The following NF1 variants were observed in gnomAD, a reference collection of about 807,000 sequenced individuals.
NF1 encodes neurofibromin.
In NF1, 122 loss-of-function variants were observed where a neutral mutation model predicts 325.7. The observed-to-expected ratio is 0.37, with a 90% CI of 0.32 to 0.44. NF1 has a LOEUF of 0.44. NF1 is among the 20% of genes least tolerant of loss of function. The pLI is 1.00. For synonymous variants in NF1, 1,091 were observed against 1,186.0 expected, an observed-to-expected ratio of 0.92 and a Z score of 1.65; for missense variants, 2,140 against 3,415.4, an observed-to-expected ratio of 0.63 and a Z score of 9.31.
chr17:31,101,159 T>C (rs1238096899), intron 1 of NF1, among the ~76,000 whole-genome samples: 2 of 152,178 alleles, frequency 1.3e-5, no homozygotes, highest in African/African-American at 4.8e-5. Context: ...CTGCCTCTGC[T>C]TGATTGCTGT....
In NF1 at chr17:31,184,666, A is replaced by AAAAAAAT. The variant is rs1555609286; in HGVS notation, c.888+2008_888+2014dup. On this transcript the variant is annotated intron_variant, in intron 8 of 57. Coordinates refer to ENST00000358273, the MANE Select transcript of NF1 (RefSeq NM_001042492.3). ...CCGTCTCAAAAAAAAAAAATAAAAA[A>AAAAAAAT]AAAAAATAAAAAAATAAAATAGAAA... 3.5e-3 allele frequency among the ~76,000 whole-genome samples: 488 copies of AAAAAAAT among 140,402 alleles called. 7 individuals carry two copies. The highest frequency in any genetic ancestry group is 5.6e-3 in the Non-Finnish European group (356 of 63,134). The allele number at this position is 140,402 out of a possible 152,430, so 92.1% of individuals were successfully genotyped here.
At position 31,098,557 on chromosome 17, in the gene NF1, G is replaced by A. The variant is rs565909610; in HGVS notation, c.60+3188G>A. The stretch of plus-strand genomic sequence containing the variant: ...CATTTGTTATTTTTAGTAGAGTGCT[G>A]AGATTACAGGCGTGAGCCATCGCTT... On this transcript the variant is annotated intron_variant, in intron 1 of 57. Transcript: ENST00000358273. Among the ~76,000 whole-genome samples, 9 of 152,246 alleles carry A rather than the reference G, an allele frequency of 5.9e-5. 1 individual carries two copies. The South Asian group carries it at 1.7e-3, about 28-fold the overall frequency.
chr17:31,343,448 G>A (rs937634194), intron 48 of NF1, among the ~76,000 whole-genome samples: 4 of 152,108 alleles, frequency 2.6e-5, no homozygotes, highest in African/African-American at 9.7e-5. Flanking sequence ...AGGAGGCATA[G>A]ATGGAAGGAT....
At chr17:31,349,002 T>C (rs1286327197) in intron 48 of NF1, 118 bp from the exon 49 acceptor site, 2 of 1,273,660 alleles carry the variant, frequency 1.6e-6, no homozygotes, top group African/African-American at 3.0e-5. Context: ...TCTTGGAAAG[T>C]AGGAGTTATA....
intron 4 of NF1, among the ~76,000 whole-genome samples, chr17:31,163,931 G>A (rs1333121830): frequency 6.6e-6 from 1 of 152,148 alleles, no homozygotes; most frequent in African/African-American, 2.4e-5. Flanking sequence ...GAAAACACAA[G>A]GAGGTGAATA....
intron 1 of NF1, among the ~76,000 whole-genome samples, chr17:31,128,981 A>G (rs1258959080): frequency 6.6e-6 from 1 of 151,122 alleles, no homozygotes; most frequent in Non-Finnish European, 1.5e-5. Context: ...TGACTTGTAT[A>G]GTTTCTACTG....
Position 31,234,022 on chromosome 17 carries a change from C to A in NF1, c.3708+809C>A, listed in dbSNP as rs145504891. On this transcript the variant is annotated intron_variant, in intron 27 of 57. Transcript: ENST00000358273. ...CCACACCAGCTACCTTTCTGTCCCT[C>A]CTTGTTAGACTTATTTCTGCTTTAG... 3.0e-3 allele frequency among the ~76,000 whole-genome samples: 450 copies of A among 152,298 alleles called. 3 individuals are homozygous for A. The highest frequency in any genetic ancestry group is 0.01 in the African/African-American group (436 of 41,568).
rs1358425599 is a variant in NF1 at position 31,182,557 on chromosome 17, C to T, written c.780C>T (p.Thr260=). ...FDLVDGFAES[T]KRKAAVWPLQ... ...TGGTGGATGGTTTTGCTGAAAGCAC[C>T]AAACGTAAAGCAGCAGTTTGGCCAC... Residue 260 remains threonine (T), a synonymous_variant, in exon 8 of 58, where the codon ACC becomes ACT. Coordinates refer to ENST00000358273, the MANE Select transcript of NF1 (RefSeq NM_001042492.3). 1 of 1,614,046 alleles carries T rather than the reference C, an allele frequency of 6.2e-7. No individual in the cohort carries two copies. The highest frequency in any genetic ancestry group is 1.3e-5 in the African/African-American group (1 of 75,032).
intron 8 of NF1, among the ~76,000 whole-genome samples, chr17:31,190,279 A>G (rs2066320496): frequency 6.6e-6 from 1 of 152,028 alleles, no homozygotes; most frequent in Admixed American, 6.6e-5. Flanking sequence ...AACAAAAAAA[A>G]TAAAATAGTA....
rs917338341 is a variant in NF1, at chr17:31,327,932, A to G, written c.5609+93A>G. 15 of 1,199,970 alleles carry G rather than the reference A, an allele frequency of 1.3e-5. No homozygotes were observed. In the African/African-American group the frequency reaches 2.3e-4, roughly 18 times the overall value. 74.3% of individuals were successfully genotyped at this position (1,199,970 alleles called of 1,614,324 possible). ...GAATTTTAAAACAGCCTCTACCTTA[A>G]TATTGTAAATTGGAAGGTATGCAGT... On this transcript the variant is annotated intron_variant, in intron 38 of 57. Coordinates refer to ENST00000358273, the MANE Select transcript of NF1 (RefSeq NM_001042492.3).
At chr17:31,219,526 A>G (rs190590420) in intron 14 of NF1, among the ~76,000 whole-genome samples, 521 of 152,098 alleles carry the variant, frequency 3.4e-3, no homozygotes, top group African/African-American at 0.012. Context: ...TTACATGCGC[A>G]CAATGTGCAG....
chr17:31,318,172 T>C, intron 36 of NF1: 2 of 1,154,680 alleles, frequency 1.7e-6, no homozygotes, highest in Non-Finnish European at 1.2e-6. Flanking sequence ...CTGTCTCACC[T>C]GCTTGATTCT....
At chr17:31,294,316 A>G (rs910273858) in intron 36 of NF1, among the ~76,000 whole-genome samples, 9 of 152,152 alleles carry the variant, frequency 5.9e-5, no homozygotes, top group South Asian at 2.1e-4. Context: ...AAAAAACACA[A>G]CCGTTAAACT....
rs372963561 is a variant in NF1 at position 31,229,327 on chromosome 17, T to C, written c.2712T>C (p.Cys904=). 6.2e-7 allele frequency: 1 copy of C among 1,613,958 alleles called. No individual in the cohort carries two copies. Among genetic ancestry groups the C allele is most frequent in the African/African-American group, 1.3e-5 (1 of 75,044 alleles). Residue 904 remains cysteine (C), a synonymous_variant, in exon 21 of 58, where the codon TGT becomes TGC. Transcript: ENST00000358273. Reference sequence around the variant, plus strand: ...ATCGGCTGTTGTCCTTAATGGTGTGTAACCATGAGAAAGTGGGACTTCAAA... The same window carrying C: ...ATCGGCTGTTGTCCTTAATGGTGTGCAACCATGAGAAAGTGGGACTTCAAA... ...FMDRLLSLMV[C]NHEKVGLQIR...
intron 36 of NF1, among the ~76,000 whole-genome samples, chr17:31,283,561 C>A (rs1223336639): frequency 1.3e-5 from 2 of 152,066 alleles, no homozygotes; most frequent in Non-Finnish European, 1.5e-5. Flanking sequence ...CTCAAGTGAT[C>A]CTTCCAGCTC....
chr17:31,104,899 ATTGT>A (rs1219549980), intron 1 of NF1, among the ~76,000 whole-genome samples: 1 of 152,120 alleles, frequency 6.6e-6, no homozygotes, highest in East Asian at 1.9e-4. Flanking sequence ...GTTTTTAAAA[ATTGT>A]TTATTATTCA....
rs537565466 is a variant in NF1 at position 31,269,098 on chromosome 17, C to T, written c.4835+3759C>T. On this transcript the variant is annotated intron_variant, in intron 36 of 57. Transcript: ENST00000358273. ...GAAACCATTTTCCCCCACTGCTTTG[C>T]TGGAACTCTGTGTCTTACCTATACT... Among the ~76,000 whole-genome samples the T allele has an allele frequency of 2.0e-5, 3 of 152,148 alleles. No homozygotes were observed. In the South Asian group the frequency reaches 6.2e-4, roughly 32 times the overall value.
At position 31,327,545 on chromosome 17, in the gene NF1, T is replaced by A. The variant is rs1209831572; in HGVS notation, c.5315T>A (p.Val1772Asp). 6.2e-7 allele frequency: 1 copy of A among 1,614,156 alleles called. No homozygotes were observed. The highest frequency in any genetic ancestry group is 1.7e-5 in the Admixed American group (1 of 60,020). ...GTAACTTCAGCAGAGCGAACAAAAG[T>A]CCTAGGGCAATCAGTCTTTCTAAAT... The part of the protein sequence containing the change: ...VQVTSAERTK[V>D]LGQSVFLNDI... The change falls in exon 38 of 58, where the codon GTC becomes GAC. Residue 1772 changes from valine (V) to aspartate (D), a missense_variant. By Grantham distance (152) the Val-to-Asp change is radical. This residue lies in a region of NF1 where 147 missense variants were observed against 186.7 expected (regional missense o/e 0.79). Transcript: ENST00000358273.
intron 36 of NF1, among the ~76,000 whole-genome samples, chr17:31,323,743 A>G (rs933138300): frequency 6.6e-6 from 1 of 152,180 alleles, no homozygotes; most frequent in African/African-American, 2.4e-5. Flanking sequence ...AGGCCTGCCC[A>G]GTCCTCTTGC....
Sources: gnomAD v4.1 joint callset for allele counts (sites outside exome capture counted in the v4.1 genomes callset) on GRCh38, gnomAD v4.1.1 for gene constraint, gnomAD v4.1.1 regional missense constraint, MANE v1.5 for transcripts, NCBI Gene and HGNC (gene_info 2026-07-23, HGNC 2026-07-21) for gene names.